COL4A3: variants seen among roughly 807,000 people sequenced by gnomAD.
The protein encoded by COL4A3 is collagen type IV alpha 3 chain.
In COL4A3, 135 loss-of-function variants were observed where a neutral mutation model predicts 217.4. That is an observed-to-expected ratio of 0.62 (90% confidence interval 0.54 to 0.72). The LOEUF (loss-of-function observed/expected upper bound fraction) is 0.72. Ranked by LOEUF, COL4A3 falls within the 30% of genes least tolerant of loss-of-function variation. The pLI, the probability that COL4A3 is intolerant of heterozygous loss-of-function variation, is 0.00. For missense variants in COL4A3, 1,868 were observed against 2,119.9 expected (o/e 0.88, Z 2.33); for synonymous variants, 690 against 736.3 (o/e 0.94, Z 1.02).
intron 20 of COL4A3, among the ~76,000 whole-genome samples, chr2:227,261,812 T>C (rs1391905111): frequency 6.6e-6 from 1 of 152,224 alleles, no homozygotes; most frequent in Non-Finnish European, 1.5e-5. Flanking sequence ...TGCATAAGGA[T>C]ACCTACATTA....
chr2:227,253,820 TA>T lies in COL4A3; in HGVS notation c.765+183del, dbSNP rs2069956503. The stretch of plus-strand genomic sequence containing the variant: ...CTTTACTCATAAATCCTGGAAATAT[TA>T]CATGGGGAAGATCTGAGGCTCCAGC... On this transcript the variant is annotated intron_variant, in intron 13 of 51. Coordinates refer to ENST00000396578, the MANE Select transcript of COL4A3 (RefSeq NM_000091.5). This position sits in a 1 kb window ranked among gnomAD's most constrained non-coding sequence, Gnocchi z 4.4. Among the ~76,000 whole-genome samples, 1 of 151,792 alleles carries T rather than the reference TA, an allele frequency of 6.6e-6. No homozygotes were observed. Among genetic ancestry groups the T allele is most frequent in the African/African-American group, 2.4e-5 (1 of 41,264 alleles).
chr2:227,176,483 C>T (rs1442930116), intron 1 of COL4A3, among the ~76,000 whole-genome samples: 1 of 152,070 alleles, frequency 6.6e-6, no homozygotes, highest in Non-Finnish European at 1.5e-5. Flanking sequence ...GAAACACAGC[C>T]ATATAAAAAT....
intron 15 of COL4A3, among the ~76,000 whole-genome samples, chr2:227,255,290 T>C (rs1427122296): frequency 1.3e-5 from 2 of 151,814 alleles, no homozygotes; most frequent in African/African-American, 4.8e-5. Flanking sequence ...ACAAAGGAAA[T>C]AGGGCAATCT....
intron 27 of COL4A3, 127 bp from the exon 28 acceptor site, chr2:227,277,322 G>GAA: frequency 3.7e-5 from 20 of 546,700 alleles, no homozygotes; most frequent in African/African-American, 1.7e-4. Context: ...CCATCAACAG[G>GAA]AAAAAAAAAA....
chr2:227,276,329 C>A, intron 26 of COL4A3, 56 bp from the exon 27 acceptor site: 1 of 1,248,048 alleles, frequency 8.0e-7, no homozygotes. Context: ...TTTCCGCTAT[C>A]GTCTAAGACA....
chr2:227,192,804 G>A lies in COL4A3; in HGVS notation c.87+27991G>A, dbSNP rs1223856265. 3.9e-5 allele frequency among the ~76,000 whole-genome samples: 6 copies of A among 152,012 alleles called. No homozygotes were observed. In the East Asian group the frequency reaches 9.6e-4, roughly 24 times the overall value. ...TCGAGTCAACCCAAATAAGAGTTTG[G>A]AACAGTGTTTCTCAAACTTTCTATA... On this transcript the variant is annotated intron_variant, in intron 1 of 51. Coordinates refer to ENST00000396578, the MANE Select transcript of COL4A3 (RefSeq NM_000091.5).
At chr2:227,226,322 G>C (rs112568075) in intron 1 of COL4A3, among the ~76,000 whole-genome samples, 1,824 of 152,224 alleles carry the variant, frequency 0.012, 33 homozygotes, top group African/African-American at 0.042. Flanking sequence ...CCAAGCTCTG[G>C]ACAGAAGCAC....
At position 227,241,125 on chromosome 2, in the gene COL4A3, G is replaced by A. The variant is rs534079140; in HGVS notation, c.234+893G>A. On this transcript the variant is annotated intron_variant, in intron 3 of 51. Transcript: ENST00000396578. ...ACTCATCACACATTCTTATCCTAAA[G>A]TCTGTGATACAGCAAAGGGCTTTGT... Among the ~76,000 whole-genome samples the A allele has an allele frequency of 3.9e-5, 6 of 152,116 alleles. No individual in the cohort carries two copies. In the South Asian group the frequency reaches 8.3e-4, roughly 21 times the overall value.
At chr2:227,207,414 C>T (rs796859468) in intron 1 of COL4A3, among the ~76,000 whole-genome samples, 5 of 152,172 alleles carry the variant, frequency 3.3e-5, no homozygotes, top group South Asian at 2.1e-4. Flanking sequence ...TCCTCTCTCT[C>T]GTAGCCGAAA....
At chr2:227,279,941 T>C (rs764667239) in intron 29 of COL4A3, 51 bp downstream of exon 29, 2 of 1,294,026 alleles carry the variant, frequency 1.5e-6, no homozygotes, top group Non-Finnish European at 2.2e-6. Flanking sequence ...GACCATTAAC[T>C]GGCCAGTTTG....
intron 3 of COL4A3, among the ~76,000 whole-genome samples, chr2:227,242,118 A>T (rs1162032862): frequency 6.6e-6 from 1 of 152,160 alleles, no homozygotes; most frequent in Non-Finnish European, 1.5e-5. Context: ...CAGTCCCACA[A>T]GACTGTCCCT....
chr2:227,279,620 C>A (rs746077437), intron 28 of COL4A3, 173 bp from the exon 29 acceptor site: 12 of 582,190 alleles, frequency 2.1e-5, no homozygotes, highest in Non-Finnish European at 3.4e-5. Flanking sequence ...CAAATAGGAA[C>A]CAATGTAATT....
At chr2:227,244,218 A>G in intron 3 of COL4A3, 102 bp from the exon 4 acceptor site, 1 of 916,330 alleles carries the variant, frequency 1.1e-6, no homozygotes, top group Non-Finnish European at 1.8e-6. Context: ...TCAGAAGGGC[A>G]AAACAGCTTG....
At chr2:227,173,284 A>G (rs1285605111) in intron 1 of COL4A3, among the ~76,000 whole-genome samples, 2 of 152,240 alleles carry the variant, frequency 1.3e-5, no homozygotes, top group African/African-American at 4.8e-5. Context: ...CTTTTGATAC[A>G]ACAGAAAACT....
intron 1 of COL4A3, among the ~76,000 whole-genome samples, chr2:227,202,746 A>AAAAAAATAT (rs1553738297): frequency 4.5e-5 from 1 of 22,218 alleles, no homozygotes; most frequent in African/African-American, 1.2e-4. Context: ...AAAAAAAAAA[A>AAAAAAATAT]ATATATATAT....
At position 227,310,909 on chromosome 2, in the gene COL4A3, G is replaced by A. The variant is rs1348892751; in HGVS notation, c.4889G>A (p.Ser1630Asn). The A allele has an allele frequency of 6.2e-7, 1 of 1,614,042 alleles. No individual in the cohort carries two copies. The highest frequency in any genetic ancestry group is 1.7e-5 in the Admixed American group (1 of 60,024). Reference protein sequence around the residue: ...GTCNYYSNSYSFWLASLNPER... With the variant: ...GTCNYYSNSYNFWLASLNPER... ...TGCAACTACTATTCAAATTCCTACA[G>A]TTTCTGGCTGGCTTCATTAAACCCA... The change falls in exon 51 of 52, where the codon AGT (serine) becomes AAT (asparagine). Residue 1630 changes from serine to asparagine, a missense_variant. This residue lies in a region of COL4A3 where 1,503 missense variants were observed against 1,786.1 expected (regional missense o/e 0.84). Transcript: ENST00000396578.
At chr2:227,190,766 G>T (rs1243285213) in intron 1 of COL4A3, among the ~76,000 whole-genome samples, 2 of 152,078 alleles carry the variant, frequency 1.3e-5, no homozygotes, top group African/African-American at 2.4e-5. Context: ...AATTAGTCAG[G>T]CCTGGTGGCA....
intron 1 of COL4A3, among the ~76,000 whole-genome samples, chr2:227,210,242 T>G (rs188429665): frequency 2.7e-4 from 41 of 152,332 alleles, no homozygotes; most frequent in Non-Finnish European, 5.3e-4. Context: ...TATCCTACAT[T>G]ATAAAGTACA....
chr2:227,224,097 C>T (rs10208560), intron 1 of COL4A3, among the ~76,000 whole-genome samples: 19,363 of 152,232 alleles, frequency 0.13, 1,470 homozygotes, highest in South Asian at 0.32. Context: ...ACGCAGTCAG[C>T]TTATCGGTCC....
Sources: gnomAD v4.1 joint callset for allele counts (sites outside exome capture counted in the v4.1 genomes callset) on GRCh38, gnomAD v4.1.1 for gene constraint, gnomAD v4.1.1 regional missense constraint, Gnocchi (gnomAD v3.1) non-coding constraint, MANE v1.5 for transcripts, NCBI Gene and HGNC (gene_info 2026-07-23, HGNC 2026-07-21) for gene names.